Variants in PHKA1 observed in about 807,000 individuals in gnomAD.
The protein encoded by PHKA1 is phosphorylase b kinase regulatory subunit alpha, skeletal muscle isoform.
A neutral mutation model predicts 110.2 loss-of-function variants in PHKA1; 60 were observed. The ratio of observed to expected loss-of-function variants is 0.54; its 90% confidence interval spans 0.44 to 0.68. The LOEUF (loss-of-function observed/expected upper bound fraction) is 0.68, where lower values mean the gene tolerates loss of function less well. PHKA1 is among the 30% of genes least tolerant of loss of function. PHKA1 has a pLI of 0.00. For missense variants in PHKA1, 801 were observed against 942.5 expected, an observed-to-expected ratio of 0.85 and a Z score of 1.97; for synonymous variants, 316 against 333.6, an observed-to-expected ratio of 0.95 and a Z score of 0.58.
At chrX:72,596,365 G>A (rs183297463) in intron 28 of PHKA1, among the ~76,000 whole-genome samples, 291 of 111,121 alleles carry the variant, frequency 2.6e-3, no homozygotes, top group African/African-American at 9.1e-3. Flanking sequence ...ACGTTCTAGA[G>A]ATCTACTGTA....
chrX:72,706,887 A>G (rs1393532795), intron 2 of PHKA1, among the ~76,000 whole-genome samples: 2 of 111,640 alleles, frequency 1.8e-5, no homozygotes, highest in Non-Finnish European at 3.8e-5. Context: ...ATTGTCAGCC[A>G]TTTCTATCCT....
At chrX:72,587,670 G>A (rs868952632) in intron 29 of PHKA1, among the ~76,000 whole-genome samples, 42 of 111,428 alleles carry the variant, frequency 3.8e-4, no homozygotes, top group African/African-American at 1.3e-3. Flanking sequence ...CCATCAGTGT[G>A]CTGTATTCAG....
At chrX:72,610,472 T>TAATA (rs2052792077) in intron 22 of PHKA1, among the ~76,000 whole-genome samples, 1 of 112,171 alleles carries the variant, frequency 8.9e-6, no homozygotes, top group Admixed American at 9.5e-5. Context: ...TGATGCAGAA[T>TAATA]AATATCCAAT....
At chrX:72,681,424 C>T (rs1462845652) in intron 5 of PHKA1, among the ~76,000 whole-genome samples, 11 of 111,692 alleles carry the variant, frequency 9.8e-5, no homozygotes, top group African/African-American at 1.9e-4. Flanking sequence ...CCCGGCCAGC[C>T]GCCCCATCCG....
At chrX:72,674,759 A>G (rs1200698198) in intron 6 of PHKA1, among the ~76,000 whole-genome samples, 1 of 112,193 alleles carries the variant, frequency 8.9e-6, no homozygotes, top group Non-Finnish European at 1.9e-5. Context: ...ATTATCTAGA[A>G]TGTTAAAAAA....
At chrX:72,655,448 C>A (rs1045253129) in intron 10 of PHKA1, among the ~76,000 whole-genome samples, 34 of 111,450 alleles carry the variant, frequency 3.1e-4, no homozygotes, top group Admixed American at 3.0e-3. Context: ...GCATACGTAT[C>A]ATTATAGCAG....
chrX:72,653,428 G>A lies in PHKA1; in HGVS notation c.1137+7C>T. ...TCAGCTACATGTTATGGCACTGTCT[G>A]ACTCACCCTGTCAGGAGGAACACTG... On this transcript the variant is annotated splice_region_variant and intron_variant, in intron 11 of 31. Coordinates refer to ENST00000373542, the MANE Select transcript of PHKA1 (RefSeq NM_002637.4). The A allele has an allele frequency of 5.1e-6, 6 of 1,168,502 alleles. No homozygotes were observed. In the South Asian group the frequency reaches 7.2e-5, roughly 14 times the overall value.
chrX:72,636,145 C>G, intron 15 of PHKA1, 132 bp downstream of exon 15: 1 of 499,178 alleles, frequency 2.0e-6, no homozygotes, highest in East Asian at 3.7e-5. Context: ...TAAATATTAA[C>G]TGAGTAAGTT....
At chrX:72,700,723 T>A (rs1335229802) in intron 3 of PHKA1, among the ~76,000 whole-genome samples, 2 of 111,720 alleles carry the variant, frequency 1.8e-5, no homozygotes, top group African/African-American at 3.2e-5. Flanking sequence ...GACGGTTTTA[T>A]AATCAGCTAT....
chrX:72,707,824 A>G (rs1556333146), intron 2 of PHKA1: 1 of 111,552 alleles, frequency 9.0e-6, no homozygotes, highest in African/African-American at 3.3e-5. Flanking sequence ...ATTTTGTACC[A>G]TTTTCTTTTT....
chrX:72,673,997 C>G (rs1250344059), intron 6 of PHKA1, among the ~76,000 whole-genome samples: 1 of 93,421 alleles, frequency 1.1e-5, no homozygotes, highest in African/African-American at 4.0e-5. Flanking sequence ...GATGTTCCCC[C>G]TTCCTGTGTC....
intron 2 of PHKA1, chrX:72,709,344 G>C (rs782244094): frequency 9.3e-6 from 1 of 108,026 alleles, no homozygotes; most frequent in East Asian, 2.9e-4. Context: ...CTTAGAGAAA[G>C]ACATTTGTAA....
At chrX:72,592,247 A>G (rs915685412) in intron 29 of PHKA1, among the ~76,000 whole-genome samples, 60 of 112,807 alleles carry the variant, frequency 5.3e-4, no homozygotes, top group African/African-American at 1.8e-3. Context: ...GAAGATTGCC[A>G]GAGCCCATAG....
At chrX:72,582,074 A>G (rs1449323101) in intron 31 of PHKA1, among the ~76,000 whole-genome samples, 1 of 112,262 alleles carries the variant, frequency 8.9e-6, no homozygotes, top group African/African-American at 3.2e-5. Context: ...AAGTCCTTAA[A>G]GCTACAAAAA....
chrX:72,701,604 A>G (rs782602796), intron 3 of PHKA1, among the ~76,000 whole-genome samples: 1 of 111,402 alleles, frequency 9.0e-6, no homozygotes, highest in Non-Finnish European at 1.9e-5. Context: ...CTGTAACCCC[A>G]GCTCCTCGGG....
chrX:72,599,895 T>C (rs782585097), intron 28 of PHKA1: 1 of 523,463 alleles, frequency 1.9e-6, no homozygotes, highest in Non-Finnish European at 3.5e-6. Flanking sequence ...AAAATAAAAT[T>C]TTAAAAGATA....
chrX:72,582,443 C>T lies in PHKA1; in HGVS notation c.3453G>A (p.Val1151=). 2 of 1,208,022 alleles carry T rather than the reference C, an allele frequency of 1.7e-6. No homozygotes were observed. Among genetic ancestry groups the T allele is most frequent in the Non-Finnish European group, 1.1e-6 (1 of 892,364 alleles). Residue 1151 remains valine, a synonymous_variant, in exon 31 of 32, where the codon GTG becomes GTA. Coordinates refer to ENST00000373542, the MANE Select transcript of PHKA1 (RefSeq NM_002637.4). The stretch of plus-strand genomic sequence containing the variant: ...CATTGGCAATATGCACTATTTTTTC[C>T]ACAGCAATGATGCTTCCGATGCTAT... ...EIHSIGSIIA[V]EKIVHIANDL... is the part of the protein sequence containing the mutation.
intron 2 of PHKA1, among the ~76,000 whole-genome samples, chrX:72,711,083 G>A (rs1267635356): frequency 1.9e-5 from 2 of 108,055 alleles, no homozygotes; most frequent in South Asian, 4.1e-4. Flanking sequence ...GGATGGTCTC[G>A]ATCTCCTGAC....
At position 72,618,679 on chromosome X, in the gene PHKA1, T is replaced by C. The variant is rs782488085; in HGVS notation, c.2369+31A>G. 4.5e-6 allele frequency: 5 copies of C among 1,114,318 alleles called. No individual in the cohort carries two copies. The South Asian group carries it at 7.3e-5, about 16-fold the overall frequency. The allele number at this position is 1,114,318 out of a possible 1,213,427, so 91.8% of individuals were successfully genotyped here. On this transcript the variant is annotated intron_variant, in intron 21 of 31. Transcript: ENST00000373542. ...GCTATAATTCCTCTGATTATGAACA[T>C]TAAACTAGATTGATAATATCCACCA... is the stretch of plus-strand genomic sequence containing the variant.
Sources: gnomAD v4.1 joint callset for allele counts (sites outside exome capture counted in the v4.1 genomes callset) on GRCh38, gnomAD v4.1.1 for gene constraint, MANE v1.5 for transcripts, NCBI Gene and HGNC (gene_info 2026-07-23, HGNC 2026-07-21) for gene names.